Variants in BMP6 observed in about 807,000 individuals in gnomAD.
The protein encoded by BMP6 is VG-1-R.
In BMP6, 17 loss-of-function variants were observed where a neutral mutation model predicts 54.1. The observed-to-expected ratio is 0.31, with a 90% CI of 0.22 to 0.47. BMP6 has a LOEUF of 0.47. Among genes scored for constraint, BMP6 ranks in the 20% least tolerant of loss-of-function variants. The pLI is 1.00. For synonymous variants in BMP6, 328 were observed against 291.2 expected (o/e 1.13, Z -1.28); for missense variants, 720 against 690.4 (o/e 1.04, Z -0.48).
chr6:7,815,102 C>G (rs2113216519), intron 1 of BMP6, among the ~76,000 whole-genome samples: 1 of 152,272 alleles, frequency 6.6e-6, no homozygotes, highest in South Asian at 2.1e-4. Flanking sequence ...TCTTCCTTTT[C>G]TGGGATCCCT....
At chr6:7,798,003 A>G (rs1424898873) in intron 1 of BMP6, among the ~76,000 whole-genome samples, 1 of 152,170 alleles carries the variant, frequency 6.6e-6, no homozygotes. Flanking sequence ...TTCTACTGCC[A>G]TTGTGTTGTA....
intron 1 of BMP6, among the ~76,000 whole-genome samples, chr6:7,814,595 C>T (rs1758496071): frequency 6.6e-6 from 1 of 152,104 alleles, no homozygotes; most frequent in African/African-American, 2.4e-5. Context: ...TCTCTCTCTA[C>T]CTTTCTCTTC....
In BMP6 at chr6:7,813,665, AAAAACCC is replaced by A. The variant is rs1561780290; in HGVS notation, c.665-31473_665-31467del. Among the ~76,000 whole-genome samples the A allele has an allele frequency of 5.4e-4, 76 of 140,054 alleles. 10 individuals are homozygous for A. The highest frequency in any genetic ancestry group is 9.6e-4 in the Non-Finnish European group (62 of 64,312). 91.9% of individuals were successfully genotyped at this position (140,054 alleles called of 152,430 possible). On this transcript the variant is annotated intron_variant, in intron 1 of 6. Coordinates refer to ENST00000283147, the MANE Select transcript of BMP6 (RefSeq NM_001718.6). ...CTCAAAAAAAAAAAAAAAAAAAAAA[AAAAACCC>A]ACCAAACCCAGTATAGAAAATATAT...
At chr6:7,868,650 G>A (rs1759468792) in intron 4 of BMP6, among the ~76,000 whole-genome samples, 1 of 152,234 alleles carries the variant, frequency 6.6e-6, no homozygotes, top group Admixed American at 6.5e-5. Flanking sequence ...AGTTTCCTTT[G>A]GGAAGAGTCT....
rs879244194 is a variant in BMP6, at chr6:7,881,642, A to G, written c.*1299A>G. On this transcript the variant is annotated 3_prime_UTR_variant, in exon 7 of 7. Coordinates refer to ENST00000283147, the MANE Select transcript of BMP6 (RefSeq NM_001718.6). ...AAGTTGTGTGTACAAGACTCTTGAC[A>G]GTTGTGCTTCTCTAGGAGGTTGGGT... 2.0e-5 allele frequency: 3 copies of G among 151,892 alleles called. No homozygotes were observed. The highest frequency in any genetic ancestry group is 4.1e-4 in the South Asian group (2 of 4,826). The allele number at this position is 151,892 out of a possible 1,614,324, so 9.4% of individuals were successfully genotyped here.
chr6:7,844,320 T>G (rs1273251063), intron 1 of BMP6, among the ~76,000 whole-genome samples: 3 of 150,586 alleles, frequency 2.0e-5, no homozygotes, highest in Non-Finnish European at 4.4e-5. Flanking sequence ...TAAAAAACCT[T>G]TTAGATTCTA....
intron 1 of BMP6, among the ~76,000 whole-genome samples, chr6:7,771,887 T>A (rs1246461016): frequency 6.6e-6 from 1 of 152,054 alleles, no homozygotes; most frequent in East Asian, 1.9e-4. Context: ...ACCCTGTCTC[T>A]ACTAAAAATA....
intron 1 of BMP6, among the ~76,000 whole-genome samples, chr6:7,821,527 A>T (rs1581262838): frequency 6.6e-6 from 1 of 152,188 alleles, no homozygotes; most frequent in Admixed American, 6.5e-5. Context: ...AAAAAATAAT[A>T]AAAGAAAAAT....
chr6:7,876,326 G>C (rs906982715), intron 4 of BMP6, among the ~76,000 whole-genome samples: 108 of 152,270 alleles, frequency 7.1e-4, no homozygotes, highest in Non-Finnish European at 1.4e-3. Context: ...CATGTGGCTA[G>C]ATAAGAATTT....
intron 1 of BMP6, among the ~76,000 whole-genome samples, chr6:7,749,758 A>G (rs1297823094): frequency 2.6e-5 from 4 of 152,208 alleles, no homozygotes; most frequent in African/African-American, 9.6e-5. Context: ...AGGCATCACT[A>G]CCAGGTTTGA....
At chr6:7,782,378 G>A (rs969537489) in intron 1 of BMP6, among the ~76,000 whole-genome samples, 5 of 152,132 alleles carry the variant, frequency 3.3e-5, no homozygotes, top group Admixed American at 6.5e-5. Context: ...TGAAAGAGAG[G>A]TGGGGTAGGG....
chr6:7,880,323 A>G lies in BMP6; in HGVS notation c.1522A>G (p.Arg508Gly). 1 of 1,614,208 alleles carries G rather than the reference A, an allele frequency of 6.2e-7. No homozygotes were observed. Among genetic ancestry groups the G allele is most frequent in the Non-Finnish European group, 8.5e-7 (1 of 1,180,030 alleles). Reference protein sequence around the residue: ...ILKKYRNMVVRACGCH With the variant: ...ILKKYRNMVVGACGCH ...GAAAAAATACAGGAATATGGTTGTA[A>G]GAGCTTGTGGATGCCACTAACTCGA... is the stretch of plus-strand genomic sequence containing the variant. Residue 508 changes from arginine to glycine, a missense_variant, in exon 7 of 7, where the codon AGA becomes GGA. Coordinates refer to ENST00000283147, the MANE Select transcript of BMP6 (RefSeq NM_001718.6).
chr6:7,879,789 G>A (rs1458932438), intron 5 of BMP6, among the ~76,000 whole-genome samples: 2 of 152,188 alleles, frequency 1.3e-5, no homozygotes, highest in South Asian at 2.1e-4. Flanking sequence ...TGCAAGGAGC[G>A]AGGGTTCTGG....
chr6:7,811,401 C>A (rs1244148071), intron 1 of BMP6, among the ~76,000 whole-genome samples: 5 of 152,130 alleles, frequency 3.3e-5, no homozygotes, highest in African/African-American at 1.2e-4. Context: ...GGGAGACTAT[C>A]TAGAAGGAAG....
At chr6:7,859,266 C>G (rs933095531) in intron 2 of BMP6, among the ~76,000 whole-genome samples, 2 of 152,120 alleles carry the variant, frequency 1.3e-5, no homozygotes, top group Admixed American at 1.3e-4. Flanking sequence ...TATCACAGAC[C>G]CTGATCTTTA....
chr6:7,809,270 C>G (rs1191687005), intron 1 of BMP6, among the ~76,000 whole-genome samples: 3 of 152,260 alleles, frequency 2.0e-5, no homozygotes, highest in East Asian at 3.9e-4. Context: ...AAATAGATAT[C>G]ATGTGTTTCC....
intron 1 of BMP6, among the ~76,000 whole-genome samples, chr6:7,829,414 C>G (rs554095233): frequency 6.6e-6 from 1 of 152,226 alleles, no homozygotes; most frequent in South Asian, 2.1e-4. Context: ...CTTAAAAAGA[C>G]TGCAGTTAGC....
intron 1 of BMP6, among the ~76,000 whole-genome samples, chr6:7,764,530 G>A (rs927853219): frequency 6.6e-6 from 1 of 152,094 alleles, no homozygotes; most frequent in Admixed American, 6.5e-5. Flanking sequence ...GTGCTACTGC[G>A]ATGGACCTGC....
chr6:7,819,634 G>C (rs370464630), intron 1 of BMP6, among the ~76,000 whole-genome samples: 1 of 152,166 alleles, frequency 6.6e-6, no homozygotes. Flanking sequence ...CCAACCACAG[G>C]AACCAAGAAT....
Sources: gnomAD v4.1 joint callset for allele counts (sites outside exome capture counted in the v4.1 genomes callset) on GRCh38, gnomAD v4.1.1 for gene constraint, MANE v1.5 for transcripts, NCBI Gene and HGNC (gene_info 2026-07-23, HGNC 2026-07-21) for gene names.